CNBD1: variants seen among roughly 807,000 people sequenced by gnomAD.
CNBD1 encodes the protein cyclic nucleotide-binding domain-containing protein 1.
A neutral mutation model predicts 54.4 loss-of-function variants in CNBD1; 71 were observed. The ratio of observed to expected loss-of-function variants is 1.30; its 90% confidence interval spans 1.08 to 1.59. The LOEUF (loss-of-function observed/expected upper bound fraction) is 1.59, where lower values mean the gene tolerates loss of function less well. CNBD1 is among the 40% of genes most tolerant of loss of function. The probability of loss-of-function intolerance (pLI) is 0.00; values close to 1 mark genes in which losing one functional copy is unlikely to be tolerated. For missense variants in CNBD1, 659 were observed against 518.0 expected (o/e 1.27, Z -2.64); for synonymous variants, 182 against 170.7 (o/e 1.07, Z -0.51).
intron 4 of CNBD1, among the ~76,000 whole-genome samples, chr8:87,127,428 G>A (rs888713075): frequency 2.0e-5 from 3 of 151,950 alleles, no homozygotes; most frequent in Admixed American, 6.6e-5. Context: ...ACTTTAAATT[G>A]TATTAAAAAT....
chr8:87,300,029 A>T (rs1022061988), intron 8 of CNBD1, among the ~76,000 whole-genome samples: 1 of 152,196 alleles, frequency 6.6e-6, no homozygotes, highest in African/African-American at 2.4e-5. Flanking sequence ...GGAAACATGA[A>T]GAGTTTTCTT....
chr8:87,370,114 A>G (rs868625064), intron 10 of CNBD1, among the ~76,000 whole-genome samples: 1 of 151,740 alleles, frequency 6.6e-6, no homozygotes, highest in Middle Eastern at 3.4e-3. Context: ...CATTTTCTTA[A>G]TCCAGTCTAT....
intron 4 of CNBD1, among the ~76,000 whole-genome samples, chr8:86,982,050 C>A (rs1808499403): frequency 6.6e-6 from 1 of 152,314 alleles, no homozygotes; most frequent in South Asian, 2.1e-4. Context: ...ATTCCAGTTG[C>A]TCCACATCCT....
chr8:87,400,674 G>T (rs747016988), intron 2 of CNBD1, among the ~76,000 whole-genome samples: 3 of 151,886 alleles, frequency 2.0e-5, no homozygotes, highest in Non-Finnish European at 4.4e-5. Flanking sequence ...TTGCATTGTG[G>T]AAAATAGTCT....
In CNBD1 at chr8:87,222,285, AATTAAGCTTTCATTT is replaced by A. The variant is rs565398716; in HGVS notation, c.578-14630_578-14616del. Among the ~76,000 whole-genome samples, 169 of 152,270 alleles carry A rather than the reference AATTAAGCTTTCATTT, an allele frequency of 1.1e-3. 1 individual carries two copies. The highest frequency in any genetic ancestry group is 3.9e-3 in the African/African-American group (162 of 41,570). ...GAGAGAAATACTGTAGGGGATCATT[AATTAAGCTTTCATTT>A]ATTCGACGAGTGTTTTTGCTAAATG... On this transcript the variant is annotated intron_variant, in intron 5 of 10. Coordinates refer to ENST00000518476, the MANE Select transcript of CNBD1 (RefSeq NM_173538.3).
chr8:87,401,204 G>T (rs1354979109), intron 2 of CNBD1, among the ~76,000 whole-genome samples: 1 of 151,976 alleles, frequency 6.6e-6, no homozygotes, highest in Non-Finnish European at 1.5e-5. Flanking sequence ...ACCTATTGAG[G>T]TTTTTAAGAT....
intron 4 of CNBD1, among the ~76,000 whole-genome samples, chr8:87,099,537 T>C (rs1221537400): frequency 1.3e-5 from 2 of 152,198 alleles, no homozygotes; most frequent in South Asian, 4.1e-4. Context: ...TTGACTGGCT[T>C]CAAAGGCAAG....
chr8:86,983,381 A>G (rs1459379676), intron 4 of CNBD1, among the ~76,000 whole-genome samples: 1 of 152,178 alleles, frequency 6.6e-6, no homozygotes, highest in Non-Finnish European at 1.5e-5. Flanking sequence ...CAGCAGCATG[A>G]TGCAGTAAAT....
chr8:87,178,114 C>T (rs1426892503), intron 4 of CNBD1, among the ~76,000 whole-genome samples: 4 of 152,092 alleles, frequency 2.6e-5, no homozygotes, highest in Admixed American at 6.5e-5. Context: ...CTATTGAGCA[C>T]GTTCTAAATG....
downstream of CNBD1, among the ~76,000 whole-genome samples, chr8:87,384,676 C>G (rs574562101): frequency 6.6e-6 from 1 of 152,010 alleles, no homozygotes; most frequent in Non-Finnish European, 1.5e-5. Context: ...ATGTTTTTTT[C>G]CACTTACTAA....
chr8:87,146,883 T>C (rs989985860), intron 4 of CNBD1, among the ~76,000 whole-genome samples: 5 of 152,172 alleles, frequency 3.3e-5, no homozygotes. Flanking sequence ...GGTATGTGTA[T>C]ATATATGTAT....
At chr8:87,088,241 T>C (rs892685711) in intron 4 of CNBD1, among the ~76,000 whole-genome samples, 2 of 152,204 alleles carry the variant, frequency 1.3e-5, no homozygotes, top group Non-Finnish European at 2.9e-5. Context: ...TAAATAATGT[T>C]AGAGGTTAAT....
At chr8:87,252,189 A>G (rs1363330478) in intron 6 of CNBD1, among the ~76,000 whole-genome samples, 1 of 152,166 alleles carries the variant, frequency 6.6e-6, no homozygotes, top group African/African-American at 2.4e-5. Flanking sequence ...AAGATATACT[A>G]AATCTTACAT....
chr8:87,057,070 T>C (rs937896193), intron 4 of CNBD1, among the ~76,000 whole-genome samples: 1 of 152,188 alleles, frequency 6.6e-6, no homozygotes, highest in Non-Finnish European at 1.5e-5. Context: ...CTTACCTGAC[T>C]GGGGAGGAAG....
chr8:87,180,704 C>A (rs1813294261), intron 4 of CNBD1, among the ~76,000 whole-genome samples: 1 of 151,926 alleles, frequency 6.6e-6, no homozygotes. Flanking sequence ...GCAAAGAAAC[C>A]TACCCCTTAT....
At chr8:87,238,502 TAA>T (rs1807625990) in intron 6 of CNBD1, among the ~76,000 whole-genome samples, 1 of 152,154 alleles carries the variant, frequency 6.6e-6, no homozygotes, top group South Asian at 2.1e-4. Flanking sequence ...ATCAAGGCTT[TAA>T]TGTCACTATC....
At chr8:87,367,101 G>A (rs183308590) in intron 10 of CNBD1, among the ~76,000 whole-genome samples, 1 of 152,040 alleles carries the variant, frequency 6.6e-6, no homozygotes, top group Admixed American at 6.6e-5. Flanking sequence ...CTTTATCCTG[G>A]CTGTCTTTTA....
At chr8:87,119,643 A>G (rs572808718) in intron 4 of CNBD1, among the ~76,000 whole-genome samples, 3 of 152,142 alleles carry the variant, frequency 2.0e-5, no homozygotes, top group Middle Eastern at 6.8e-3. Context: ...GAAGGTGGAC[A>G]TTGTTGTCTT....
intron 6 of CNBD1, among the ~76,000 whole-genome samples, chr8:87,275,834 A>C (rs1424599426): frequency 2.6e-5 from 4 of 151,732 alleles, no homozygotes; most frequent in Non-Finnish European, 5.9e-5. Context: ...CCATTGTCTC[A>C]GCCCAAAATC....
Sources: allele counts gnomAD v4.1 joint callset (sites outside exome capture counted in the v4.1 genomes callset), GRCh38; gene constraint gnomAD v4.1.1; transcripts MANE v1.5; gene names NCBI Gene and HGNC (gene_info 2026-07-23, HGNC 2026-07-21).